GOT2: variants seen among roughly 807,000 people sequenced by gnomAD.
GOT2 encodes the protein glutamic-oxaloacetic transaminase 2.
GOT2 carries 17 observed loss-of-function variants against 50.0 expected under a neutral mutation model. That is an observed-to-expected ratio of 0.34 (90% CI 0.23 to 0.51). The LOEUF is 0.51. Among genes scored for constraint, GOT2 ranks in the 20% least tolerant of loss-of-function variants. The pLI is 0.97. For missense variants in GOT2, 430 were observed against 559.6 expected (o/e 0.77, Z 2.34); for synonymous variants, 172 against 204.9 (o/e 0.84, Z 1.37).
Position 58,708,187 on chromosome 16 carries a change from T to A in GOT2, c.1277A>T (p.His426Leu). 1.2e-6 allele frequency: 2 copies of A among 1,614,048 alleles called. No individual in the cohort carries two copies. The highest frequency in any genetic ancestry group is 1.7e-6 in the Non-Finnish European group (2 of 1,179,964). Reference protein sequence around the residue: ...SNVGYLAHAIHQVTK With the variant: ...SNVGYLAHAILQVTK ...CCAGGGACATTACTTGGTGACCTGGTGAATGGCATGGGCAAGGTAGCCCAC... is the reference window on the plus strand; with the variant it reads ...CCAGGGACATTACTTGGTGACCTGGAGAATGGCATGGGCAAGGTAGCCCAC... Residue 426 changes from histidine (H) to leucine (L), a missense_variant, in exon 10 of 10, where the codon CAC becomes CTC. Transcript: ENST00000245206.
At chr16:58,722,722 T>G (rs2044752076) in intron 2 of GOT2, among the ~76,000 whole-genome samples, 1 of 152,184 alleles carries the variant, frequency 6.6e-6, no homozygotes, top group Non-Finnish European at 1.5e-5. Flanking sequence ...GTAGGTAGAA[T>G]GCTTGATAGT....
At chr16:58,714,636 A>G (rs1384087641) in intron 8 of GOT2, among the ~76,000 whole-genome samples, 2 of 151,882 alleles carry the variant, frequency 1.3e-5, no homozygotes, top group Non-Finnish European at 1.5e-5. Context: ...GAGAATTGCT[A>G]GAGCCTAGGA....
intron 3 of GOT2, chr16:58,721,802 T>TG (rs2044742571): frequency 6.4e-6 from 1 of 156,500 alleles, no homozygotes; most frequent in Admixed American, 6.6e-5. Context: ...TTTTTTGAGA[T>TG]GGAGTTCTGC....
rs933373283 is a variant in GOT2, at chr16:58,734,238, T to C, written c.-10A>G. On this transcript the variant is annotated 5_prime_UTR_variant, in exon 1 of 10. Coordinates refer to ENST00000245206, the MANE Select transcript of GOT2 (RefSeq NM_002080.4). ...AGTGCAGCAGGGCCATGGTGGACCG[T>C]AGGAGGGCAGTGGGCAGCCGCAGGA... The C allele has an allele frequency of 7.6e-6, 10 of 1,309,708 alleles. No individual in the cohort carries two copies. The highest frequency in any genetic ancestry group is 9.8e-6 in the Non-Finnish European group (10 of 1,021,606). The allele number at this position is 1,309,708 out of a possible 1,614,324, so 81.1% of individuals were successfully genotyped here. A position where few individuals can be genotyped will look rare whatever the true frequency, so the allele number is the denominator to read the frequency against.
chr16:58,730,233 T>C (rs2044823695), intron 1 of GOT2, among the ~76,000 whole-genome samples: 1 of 152,154 alleles, frequency 6.6e-6, no homozygotes. Context: ...GGTTCACGGG[T>C]ACATGTGCAT....
chr16:58,708,695 C>T (rs967280467), intron 9 of GOT2, among the ~76,000 whole-genome samples: 5 of 151,892 alleles, frequency 3.3e-5, no homozygotes, highest in East Asian at 1.9e-4. Flanking sequence ...GAAAAAGACA[C>T]CTTTAGATTC....
At chr16:58,716,882 T>TTTTA in intron 6 of GOT2, 69 bp from the exon 7 acceptor site, 1 of 1,456,290 alleles carries the variant, frequency 6.9e-7, no homozygotes, top group Non-Finnish European at 9.5e-7. Context: ...TATAAAAGTC[T>TTTTA]GAAAGATGTT....
chr16:58,718,108 A>T, intron 6 of GOT2, 88 bp downstream of exon 6: 1 of 930,072 alleles, frequency 1.1e-6, no homozygotes, highest in Non-Finnish European at 1.8e-6. Flanking sequence ...GTTCGAGGTT[A>T]AGACTCTCTG....
intron 8 of GOT2, among the ~76,000 whole-genome samples, 187 bp downstream of exon 8, chr16:58,715,827 C>T (rs990054126): frequency 6.6e-6 from 1 of 152,216 alleles, no homozygotes; most frequent in African/African-American, 2.4e-5. Flanking sequence ...GCTGCGATTA[C>T]AGGCGTGAGC....
chr16:58,712,433 C>T (rs2044656217), intron 8 of GOT2, among the ~76,000 whole-genome samples: 1 of 152,194 alleles, frequency 6.6e-6, no homozygotes, highest in African/African-American at 2.4e-5. Flanking sequence ...ATCGCTTGAA[C>T]CCAGGAGGCG....
intron 1 of GOT2, among the ~76,000 whole-genome samples, chr16:58,724,370 C>T (rs1226571708): frequency 6.6e-6 from 1 of 151,514 alleles, no homozygotes; most frequent in African/African-American, 2.4e-5. Flanking sequence ...GCAGTCTCTG[C>T]CTCCAGGGTT....
intron 2 of GOT2, among the ~76,000 whole-genome samples, chr16:58,722,654 G>C (rs1412526193): frequency 1.3e-5 from 2 of 152,144 alleles, no homozygotes; most frequent in South Asian, 4.1e-4. Flanking sequence ...ACAGGCATGA[G>C]CCACTGCGCC....
In GOT2 at chr16:58,707,754, G is replaced by A. The variant is rs1216061139; in HGVS notation, c.*417C>T. 1 of 153,054 alleles carries A rather than the reference G, an allele frequency of 6.5e-6. No homozygotes were observed. Among genetic ancestry groups the A allele is most frequent in the Non-Finnish European group, 1.5e-5 (1 of 68,562 alleles). The allele number at this position is 153,054 out of a possible 1,614,324, so 9.5% of individuals were successfully genotyped here. A position where few individuals can be genotyped will look rare whatever the true frequency, so the allele number is the denominator to read the frequency against. On this transcript the variant is annotated 3_prime_UTR_variant, in exon 10 of 10. Coordinates refer to ENST00000245206, the MANE Select transcript of GOT2 (RefSeq NM_002080.4). Reference sequence around the variant, plus strand: ...AAGGTTGTTCCAAGATGGGAGGACAGACACGAGGCCGACTACTCATGACAG... The same window carrying A: ...AAGGTTGTTCCAAGATGGGAGGACAAACACGAGGCCGACTACTCATGACAG...
intron 1 of GOT2, among the ~76,000 whole-genome samples, chr16:58,724,742 T>C (rs866053206): frequency 2.0e-5 from 3 of 152,142 alleles, no homozygotes; most frequent in Admixed American, 1.3e-4. Context: ...GGTTTCGCCA[T>C]GTTGGCCAGG....
intron 9 of GOT2, among the ~76,000 whole-genome samples, chr16:58,708,568 G>A (rs778387419): frequency 6.5e-4 from 99 of 151,558 alleles, no homozygotes; most frequent in Non-Finnish European, 1.5e-4. Context: ...GCAGTGAGCC[G>A]AGATTGCGCC....
At chr16:58,712,018 G>C (rs2044652625) in intron 8 of GOT2, among the ~76,000 whole-genome samples, 1 of 151,818 alleles carries the variant, frequency 6.6e-6, no homozygotes, top group Admixed American at 6.6e-5. Context: ...TCTGCATAAT[G>C]CACGTCCCAC....
chr16:58,724,388 T>C (rs2044766404), intron 1 of GOT2, among the ~76,000 whole-genome samples: 1 of 151,790 alleles, frequency 6.6e-6, no homozygotes, highest in Non-Finnish European at 1.5e-5. Flanking sequence ...GTTCAAACAA[T>C]TCTGCCTCAG....
At position 58,712,675 on chromosome 16, in the gene GOT2, A is replaced by C. The variant is rs535549531; in HGVS notation, c.1020-3108T>G. Among the ~76,000 whole-genome samples the C allele has an allele frequency of 1.5e-3, 225 of 152,388 alleles. 1 individual carries two copies. Among genetic ancestry groups the C allele is most frequent in the African/African-American group, 5.1e-3 (214 of 41,596 alleles). Reference sequence around the variant, plus strand: ...TTGTGTATTGAAATGCATGCATTAAAAAAAATCTTCATAACCAGAGAATAT... The same window carrying C: ...TTGTGTATTGAAATGCATGCATTAACAAAAATCTTCATAACCAGAGAATAT... On this transcript the variant is annotated intron_variant, in intron 8 of 9. Transcript: ENST00000245206.
At chr16:58,728,910 C>A (rs1488677267) in intron 1 of GOT2, among the ~76,000 whole-genome samples, 3 of 152,070 alleles carry the variant, frequency 2.0e-5, no homozygotes, top group African/African-American at 4.8e-5. Context: ...TGGTCTTGAA[C>A]CCCTGACCTC....
Sources: gnomAD v4.1 joint callset for allele counts (sites outside exome capture counted in the v4.1 genomes callset) on GRCh38, gnomAD v4.1.1 for gene constraint, MANE v1.5 for transcripts, NCBI Gene and HGNC (gene_info 2026-07-23, HGNC 2026-07-21) for gene names.